Variants in PEBP4 observed in about 807,000 individuals in gnomAD.
PEBP4 encodes the protein phosphatidylethanolamine-binding protein 4.
Under a neutral mutation model 23.9 loss-of-function variants are expected in PEBP4, and 22 were observed. The observed-to-expected ratio is 0.92, with a 90% CI of 0.66 to 1.31. The LOEUF (loss-of-function observed/expected upper bound fraction) is 1.31, where lower values mean the gene tolerates loss of function less well. PEBP4 is among the 40% of genes most tolerant of loss of function. The probability of loss-of-function intolerance (pLI) is 0.00; values close to 1 mark genes in which losing one functional copy is unlikely to be tolerated. For synonymous variants in PEBP4, 112 were observed against 99.3 expected (o/e 1.13, Z -0.76); for missense variants, 324 against 281.7 (o/e 1.15, Z -1.07).
intron 3 of PEBP4, among the ~76,000 whole-genome samples, chr8:22,889,963 G>C (rs17088714): frequency 0.012 from 1,827 of 152,242 alleles, 25 homozygotes; most frequent in African/African-American, 0.041. Context: ...ATTTATTTTT[G>C]GTTGAGCCAA....
chr8:22,843,829 G>T (rs1021975341), intron 3 of PEBP4, among the ~76,000 whole-genome samples: 20 of 152,244 alleles, frequency 1.3e-4, no homozygotes, highest in African/African-American at 4.3e-4. Context: ...GATGAAAGAG[G>T]GAAAACAAAG....
intron 4 of PEBP4, chr8:22,815,223 G>A (rs1806714478): frequency 6.6e-6 from 1 of 152,210 alleles, no homozygotes; most frequent in South Asian, 2.1e-4. Context: ...GTGATGTTAA[G>A]AACGACCGAG....
chr8:22,720,299 C>A (rs559520010), intron 6 of PEBP4, among the ~76,000 whole-genome samples: 5 of 152,168 alleles, frequency 3.3e-5, no homozygotes, highest in Admixed American at 3.3e-4. Context: ...CCTGGCTCAG[C>A]GGATCAGCCT....
chr8:22,736,245 G>T (rs1325869641), intron 4 of PEBP4, among the ~76,000 whole-genome samples: 2 of 152,134 alleles, frequency 1.3e-5, no homozygotes, highest in Admixed American at 1.3e-4. Context: ...GTTCCGGGGT[G>T]GGGTTAAGAA....
chr8:22,846,689 C>CT, intron 3 of PEBP4, among the ~76,000 whole-genome samples: 1 of 152,338 alleles, frequency 6.6e-6, no homozygotes, highest in South Asian at 2.1e-4. Flanking sequence ...GTTGAACCCA[C>CT]TGGGCCCGGA....
At chr8:22,826,711 A>C (rs776361428) in intron 3 of PEBP4, among the ~76,000 whole-genome samples, 10 of 152,224 alleles carry the variant, frequency 6.6e-5, no homozygotes, top group Non-Finnish European at 8.8e-5. Context: ...ATATTTCTTC[A>C]CATTTGCTTG....
intron 4 of PEBP4, among the ~76,000 whole-genome samples, chr8:22,771,444 G>C (rs1325551829): frequency 1.3e-5 from 2 of 152,138 alleles, no homozygotes. Flanking sequence ...AGCTGAGATC[G>C]TGCCATTGCA....
At chr8:22,797,998 T>A (rs1424731831) in intron 4 of PEBP4, among the ~76,000 whole-genome samples, 1 of 151,974 alleles carries the variant, frequency 6.6e-6, no homozygotes, top group African/African-American at 2.4e-5. Flanking sequence ...CTGGGACAAC[T>A]AGGAAACAAG....
chr8:22,918,142 G>T lies in PEBP4; in HGVS notation c.258+2042C>A, dbSNP rs568714240. On this transcript the variant is annotated intron_variant, in intron 3 of 6. Coordinates refer to ENST00000256404, the MANE Select transcript of PEBP4 (RefSeq NM_144962.3). ...GACTTAAATGAAAGGTCCGAGTAGT[G>T]CCCAGGAATGGAATAAGGTGGCACT... Among the ~76,000 whole-genome samples the T allele has an allele frequency of 1.3e-4, 20 of 152,334 alleles. No individual in the cohort carries two copies. The South Asian group carries it at 3.9e-3, about 30-fold the overall frequency.
At chr8:22,795,169 T>A (rs559967963) in intron 4 of PEBP4, among the ~76,000 whole-genome samples, 1,799 of 24,616 alleles carry the variant, frequency 0.073, 55 homozygotes, top group African/African-American at 0.2. Flanking sequence ...ATATATTTTT[T>A]TTTTTTTTTT....
intron 3 of PEBP4, among the ~76,000 whole-genome samples, chr8:22,860,168 G>GTATATATATATACACATATATATA (rs1563240315): frequency 8.1e-6 from 1 of 122,766 alleles, no homozygotes; most frequent in Non-Finnish European, 1.6e-5. Context: ...ACATATATAT[G>GTATATATATATACACATATATATA]TATATATATA....
intron 3 of PEBP4, among the ~76,000 whole-genome samples, chr8:22,912,554 C>T (rs1271259420): frequency 6.6e-6 from 1 of 152,214 alleles, no homozygotes; most frequent in African/African-American, 2.4e-5. Context: ...TCCCACTTCC[C>T]AGGTTTGGCA....
chr8:22,854,217 G>A (rs1235076907), intron 3 of PEBP4, among the ~76,000 whole-genome samples: 1 of 152,176 alleles, frequency 6.6e-6, no homozygotes, highest in Non-Finnish European at 1.5e-5. Context: ...GAGGAGCTTT[G>A]CTGGTGTTCA....
At chr8:22,882,277 A>G (rs1467145843) in intron 3 of PEBP4, among the ~76,000 whole-genome samples, 1 of 152,184 alleles carries the variant, frequency 6.6e-6, no homozygotes, top group Non-Finnish European at 1.5e-5. Flanking sequence ...GAGACATGGG[A>G]TGTCTTAGTC....
intron 4 of PEBP4, among the ~76,000 whole-genome samples, chr8:22,762,827 G>A (rs1041330319): frequency 6.6e-6 from 1 of 152,126 alleles, no homozygotes; most frequent in Non-Finnish European, 1.5e-5. Context: ...TGGCTGAAAG[G>A]GGCTATGCAT....
chr8:22,769,075 C>T (rs187844342), intron 4 of PEBP4, among the ~76,000 whole-genome samples: 157 of 152,270 alleles, frequency 1.0e-3, no homozygotes, highest in African/African-American at 3.6e-3. Flanking sequence ...AGAAGCAGCT[C>T]CTGTGTCCCC....
chr8:22,877,169 TCAGCCTCAGGGATAAGGTGTCC>T (rs1031647577), intron 3 of PEBP4, among the ~76,000 whole-genome samples: 2 of 152,196 alleles, frequency 1.3e-5, no homozygotes, highest in African/African-American at 4.8e-5. Context: ...CAAACAGCCC[TCAGCCTCAGGGATAAGGTGTCC>T]CAGCCATTTC....
At chr8:22,817,814 G>C in intron 3 of PEBP4, 79 bp from the exon 4 acceptor site, 1 of 1,353,058 alleles carries the variant, frequency 7.4e-7, no homozygotes. Flanking sequence ...TCCTTTTCCC[G>C]CCATTCCAAC....
chr8:22,805,153 G>A (rs183112464), intron 4 of PEBP4, among the ~76,000 whole-genome samples: 69 of 152,282 alleles, frequency 4.5e-4, no homozygotes, highest in African/African-American at 1.2e-3. Context: ...AGGTCAGCAC[G>A]GAGGACTTTT....
Sources: allele counts gnomAD v4.1 joint callset (sites outside exome capture counted in the v4.1 genomes callset), GRCh38; gene constraint gnomAD v4.1.1; transcripts MANE v1.5; gene names NCBI Gene and HGNC (gene_info 2026-07-23, HGNC 2026-07-21).